Variants in RIN2 observed in about 807,000 individuals in gnomAD.
RIN2 encodes the protein Ras and Rab interactor 2, also known as RAB5 interacting protein 2.
In RIN2, 36 loss-of-function variants were observed where a neutral mutation model predicts 78.0. The observed-to-expected ratio is 0.46, with a 90% confidence interval of 0.35 to 0.61. The LOEUF (loss-of-function observed/expected upper bound fraction) is 0.61. Among genes scored for constraint, RIN2 ranks in the 20% least tolerant of loss-of-function variants. The pLI, the probability that RIN2 is intolerant of heterozygous loss-of-function variation, is 0.00. For synonymous variants in RIN2, 466 were observed against 466.8 expected (o/e 1.00, Z 0.02); for missense variants, 1,087 against 1,159.7 (o/e 0.94, Z 0.91).
intron 3 of RIN2, among the ~76,000 whole-genome samples, chr20:19,923,928 C>T (rs1217830452): frequency 2.6e-5 from 4 of 151,920 alleles, no homozygotes; most frequent in African/African-American, 9.7e-5. Flanking sequence ...AGCTCATTTG[C>T]TGTCCATTTG....
At chr20:19,794,102 T>C (rs1195293112) in intron 1 of RIN2, among the ~76,000 whole-genome samples, 1 of 107,910 alleles carries the variant, frequency 9.3e-6, no homozygotes, top group African/African-American at 3.8e-5. Context: ...TCAGGGAAAA[T>C]AATATACCCA....
chr20:19,777,713 T>A (rs1248543828), intron 1 of RIN2, among the ~76,000 whole-genome samples: 1 of 152,276 alleles, frequency 6.6e-6, no homozygotes, highest in Non-Finnish European at 1.5e-5. Context: ...TCACATGGAA[T>A]TTTTAATTTC....
chr20:19,823,965 A>G (rs991988192), intron 2 of RIN2: 21 of 1,404,978 alleles, frequency 1.5e-5, no homozygotes, highest in Admixed American at 1.1e-4. Flanking sequence ...CTGGTGTCGG[A>G]TGAACCCGGA....
chr20:19,876,913 AC>A (rs1319794897), intron 2 of RIN2, among the ~76,000 whole-genome samples: 4 of 150,564 alleles, frequency 2.7e-5, no homozygotes, highest in Admixed American at 6.6e-5. Flanking sequence ...AAAAAAAAAA[AC>A]AAAAAACAAA....
At chr20:19,934,999 G>T in intron 3 of RIN2, 100 bp from the exon 4 acceptor site, 1 of 677,608 alleles carries the variant, frequency 1.5e-6, no homozygotes, top group Non-Finnish European at 2.5e-6. Context: ...GAAAAAGATG[G>T]TCATCTCTGT....
chr20:19,915,448 G>A (rs1176271690), intron 3 of RIN2, among the ~76,000 whole-genome samples: 1 of 152,118 alleles, frequency 6.6e-6, no homozygotes, highest in African/African-American at 2.4e-5. Flanking sequence ...CCTCAGCTGT[G>A]GGCAGAGACT....
chr20:19,940,676 C>G (rs1030815090), intron 4 of RIN2, among the ~76,000 whole-genome samples: 4 of 152,252 alleles, frequency 2.6e-5, no homozygotes, highest in Admixed American at 2.0e-4. Flanking sequence ...CCTGCAAAGA[C>G]TGGAGAGTAT....
chr20:19,957,550 G>A (rs1227503303), intron 5 of RIN2, among the ~76,000 whole-genome samples: 8 of 152,146 alleles, frequency 5.3e-5, no homozygotes, highest in African/African-American at 1.2e-4. Context: ...GGTGGCACAC[G>A]CCTGTAATCC....
rs201354070 is a variant in RIN2 at position 19,769,276 on chromosome 20, T to C, written c.-163+10949T>C. ...TCTATTATTATTGGCTCTGAGTTCC[T>C]TGAAGGGTAAGTAATGAATAGGATA... On this transcript the variant is annotated intron_variant, in intron 1 of 12. Coordinates refer to ENST00000255006, the MANE Select transcript of RIN2 (RefSeq NM_018993.4). 2.0e-5 allele frequency among the ~76,000 whole-genome samples: 3 copies of C among 152,200 alleles called. No individual in the cohort carries two copies. In the East Asian group the frequency reaches 5.8e-4, roughly 29 times the overall value.
At position 19,788,439 on chromosome 20, in the gene RIN2, A is replaced by AAAAAAAACAAAAAAAAAAC. The variant is rs2034766777; in HGVS notation, c.-162-11176_-162-11175insCAAAAAAAAAACAAAAAAA. Among the ~76,000 whole-genome samples, 14 of 133,036 alleles carry AAAAAAAACAAAAAAAAAAC rather than the reference A, an allele frequency of 1.1e-4. 2 individuals carry two copies. The highest frequency in any genetic ancestry group is 4.6e-4 in the African/African-American group (14 of 30,598). 87.3% of individuals were successfully genotyped at this position (133,036 alleles called of 152,430 possible). ...GCGAAATCCTGTCTCTGCCAAAAAA[A>AAAAAAAACAAAAAAAAAAC]AAAAAAAAAACAACTAGCTAGGCAT... On this transcript the variant is annotated intron_variant, in intron 1 of 12. Coordinates refer to ENST00000255006, the MANE Select transcript of RIN2 (RefSeq NM_018993.4).
At position 19,990,529 on chromosome 20, in the gene RIN2, A is replaced by G. The variant is rs141810935; in HGVS notation, c.2068+218A>G. Among the ~76,000 whole-genome samples, 397 of 152,322 alleles carry G rather than the reference A, an allele frequency of 2.6e-3. 4 individuals are homozygous for G. The highest frequency in any genetic ancestry group is 9.2e-3 in the African/African-American group (381 of 41,576). Reference sequence around the variant, plus strand: ...CAGATGAGGGCAACAAGATTTTTGTACCAGGCCGATTTAATTAAAGATTTA... The same window carrying G: ...CAGATGAGGGCAACAAGATTTTTGTGCCAGGCCGATTTAATTAAAGATTTA... On this transcript the variant is annotated intron_variant, in intron 10 of 12. Coordinates refer to ENST00000255006, the MANE Select transcript of RIN2 (RefSeq NM_018993.4).
At chr20:19,862,636 T>C (rs932454183) in intron 2 of RIN2, among the ~76,000 whole-genome samples, 66 of 151,808 alleles carry the variant, frequency 4.3e-4, no homozygotes, top group African/African-American at 1.6e-3. Flanking sequence ...AAAAACAGAG[T>C]TGAACTCAAT....
At chr20:19,885,315 G>A (rs1032666923) in intron 2 of RIN2, among the ~76,000 whole-genome samples, 65 of 152,160 alleles carry the variant, frequency 4.3e-4, no homozygotes, top group African/African-American at 1.5e-3. Context: ...GGAGGAAAAA[G>A]TCCAAGAGCC....
chr20:19,905,514 G>A (rs1230549943), intron 3 of RIN2, among the ~76,000 whole-genome samples: 1 of 152,178 alleles, frequency 6.6e-6, no homozygotes, highest in African/African-American at 2.4e-5. Context: ...CTTGAGGCCA[G>A]GAGTTCGAGA....
At chr20:19,869,792 T>TTTTATTTA (rs71198030) in intron 2 of RIN2, among the ~76,000 whole-genome samples, 61,289 of 136,210 alleles carry the variant, frequency 0.45, 14,495 homozygotes, top group East Asian at 0.71. Context: ...GCCTGGCTAA[T>TTTTATTTA]TTTATTTATT....
At chr20:19,824,951 G>C (rs1323025203) in intron 2 of RIN2, among the ~76,000 whole-genome samples, 1 of 152,128 alleles carries the variant, frequency 6.6e-6, no homozygotes, top group Non-Finnish European at 1.5e-5. Context: ...TCTTCTCCAA[G>C]GCCTGCTCGA....
chr20:19,917,923 G>A (rs2039752716), intron 3 of RIN2, among the ~76,000 whole-genome samples: 1 of 152,152 alleles, frequency 6.6e-6, no homozygotes, highest in Non-Finnish European at 1.5e-5. Context: ...ACATGTATCT[G>A]ATTATTTCTT....
chr20:19,971,335 C>T (rs2042100619), intron 8 of RIN2, among the ~76,000 whole-genome samples: 1 of 152,136 alleles, frequency 6.6e-6, no homozygotes, highest in African/African-American at 2.4e-5. Context: ...CCTAACCCTG[C>T]CGGGGATCCT....
intron 3 of RIN2, among the ~76,000 whole-genome samples, chr20:19,900,280 T>TC (rs1206572589): frequency 2.0e-5 from 3 of 150,634 alleles, no homozygotes; most frequent in Non-Finnish European, 4.4e-5. Context: ...GGTCAGGAGT[T>TC]CAAGACCAGC....
Sources: allele counts gnomAD v4.1 joint callset (sites outside exome capture counted in the v4.1 genomes callset), GRCh38; gene constraint gnomAD v4.1.1; transcripts MANE v1.5; gene names NCBI Gene and HGNC (gene_info 2026-07-23, HGNC 2026-07-21).